BCAR3: variants seen among roughly 807,000 people sequenced by gnomAD.
BCAR3 encodes the protein breast cancer anti-estrogen resistance protein 3.
In BCAR3, 37 loss-of-function variants were observed where a neutral mutation model predicts 80.1. The ratio of observed to expected loss-of-function variants is 0.46; its 90% CI spans 0.36 to 0.61. BCAR3 has a LOEUF of 0.61. Among genes scored for constraint, BCAR3 ranks in the 20% least tolerant of loss-of-function variants. The pLI, the probability that BCAR3 is intolerant of heterozygous loss-of-function variation, is 0.00. For missense variants in BCAR3, 978 were observed against 1,068.2 expected (o/e 0.92, Z 1.18); for synonymous variants, 389 against 418.9 (o/e 0.93, Z 0.87).
At chr1:93,675,936 A>C (rs1260919587) in intron 1 of BCAR3, among the ~76,000 whole-genome samples, 1 of 147,158 alleles carries the variant, frequency 6.8e-6, no homozygotes, top group African/African-American at 2.6e-5. Flanking sequence ...AAAAAAAAAA[A>C]AAAAAAAAAA....
chr1:93,595,061 G>A (rs773705389), intron 3 of BCAR3, among the ~76,000 whole-genome samples: 6 of 152,158 alleles, frequency 3.9e-5, no homozygotes, highest in Non-Finnish European at 8.8e-5. Flanking sequence ...GAGAAGAACA[G>A]GAAAATCCTA....
chr1:93,675,403 C>T (rs914448579), intron 1 of BCAR3, among the ~76,000 whole-genome samples: 1 of 152,334 alleles, frequency 6.6e-6, no homozygotes, highest in Middle Eastern at 3.4e-3. Context: ...CAGACCAGTC[C>T]TCAGTTGTGC....
chr1:93,573,801 G>A (rs904126046), intron 8 of BCAR3, among the ~76,000 whole-genome samples: 9 of 141,130 alleles, frequency 6.4e-5, no homozygotes, highest in South Asian at 2.1e-4. Flanking sequence ...GCTAATTTTC[G>A]TGTTTTTTTG....
At chr1:93,783,258 A>AG (rs1291571543) in intron 2 of BCAR3, among the ~76,000 whole-genome samples, 2 of 152,214 alleles carry the variant, frequency 1.3e-5, no homozygotes, top group Admixed American at 1.3e-4. Context: ...TAATCGTTAT[A>AG]GGGGGCTTTC....
intron 2 of BCAR3, among the ~76,000 whole-genome samples, chr1:93,812,477 GC>G (rs1273358680): frequency 6.6e-6 from 1 of 152,156 alleles, no homozygotes; most frequent in Non-Finnish European, 1.5e-5. Flanking sequence ...TGGCACTCAG[GC>G]CCTTCAACTG....
chr1:93,605,265 A>C (rs1205107715), intron 3 of BCAR3: 1 of 152,224 alleles, frequency 6.6e-6, no homozygotes, highest in African/African-American at 2.4e-5. Context: ...GCACTTAATC[A>C]TTATTGGACT....
chr1:93,637,261 C>G (rs868488119), intron 3 of BCAR3, among the ~76,000 whole-genome samples: 2 of 152,074 alleles, frequency 1.3e-5, no homozygotes, highest in East Asian at 3.9e-4. Flanking sequence ...CCTCCGCCCC[C>G]CAGGTTCAAG....
At chr1:93,590,394 GATA>G (rs1454893242) in intron 4 of BCAR3, 1 of 152,104 alleles carries the variant, frequency 6.6e-6, no homozygotes, top group African/African-American at 2.4e-5. Context: ...AAACACAAAT[GATA>G]ATATTACCTA....
At chr1:93,755,800 C>T (rs1005807655) in intron 2 of BCAR3, among the ~76,000 whole-genome samples, 5 of 152,136 alleles carry the variant, frequency 3.3e-5, no homozygotes, top group Non-Finnish European at 5.9e-5. Flanking sequence ...TGCGTGCATG[C>T]AAAAGGGAGG....
chr1:93,624,744 C>G (rs1675405959), intron 3 of BCAR3, among the ~76,000 whole-genome samples: 1 of 152,232 alleles, frequency 6.6e-6, no homozygotes, highest in Non-Finnish European at 1.5e-5. Context: ...AGACGTGGCT[C>G]TTGTTCATGG....
At chr1:93,756,019 C>T (rs1376525091) in intron 2 of BCAR3, among the ~76,000 whole-genome samples, 1 of 152,138 alleles carries the variant, frequency 6.6e-6, no homozygotes, top group Non-Finnish European at 1.5e-5. Flanking sequence ...GGGGAGAATA[C>T]GTCCCCAGTT....
rs901132745 is a variant in BCAR3 at position 93,598,881 on chromosome 1, T to C, written c.358-6488A>G. ...AGGGATAGGAAGAGTATTTGGGACA[T>C]TTGAGCTAAGGGACATTTCCTTTTG... is the stretch of plus-strand genomic sequence containing the variant. On this transcript the variant is annotated intron_variant, in intron 3 of 11. Transcript: ENST00000260502. The C allele has an allele frequency of 3.3e-5, 5 of 152,214 alleles. 1 individual carries two copies. Among genetic ancestry groups the C allele is most frequent in the South Asian group, 4.1e-4 (2 of 4,828 alleles). The allele number at this position is 152,214 out of a possible 1,614,324, so 9.4% of individuals were successfully genotyped here.
At chr1:93,685,899 T>G (rs1476256405), upstream of BCAR3, among the ~76,000 whole-genome samples, 1 of 152,226 alleles carries the variant, frequency 6.6e-6, no homozygotes, top group Non-Finnish European at 1.5e-5. Context: ...TATATTTTCA[T>G]GTTTAGTAGA....
Position 93,584,112 on chromosome 1 carries a change from T to C in BCAR3, c.939A>G (p.Glu313=). ...LPRGNLLRNK[E]KSGSQPACLD... ...GGCAGGCGGGCTGGCTACCACTCTT[T>C]TCTTTGTTTCTGAAGTAAAAGACAC... The change falls in exon 6 of 12, where the codon GAA becomes GAG. Residue 313 remains glutamate (E), a synonymous_variant. Coordinates refer to ENST00000260502, the MANE Select transcript of BCAR3 (RefSeq NM_003567.4). 1 of 1,614,028 alleles carries C rather than the reference T, an allele frequency of 6.2e-7. No individual in the cohort carries two copies. Among genetic ancestry groups the C allele is most frequent in the Non-Finnish European group, 8.5e-7 (1 of 1,179,972 alleles).
At chr1:93,580,568 A>C (rs545087691) in intron 7 of BCAR3, among the ~76,000 whole-genome samples, 1 of 151,746 alleles carries the variant, frequency 6.6e-6, no homozygotes, top group African/African-American at 2.4e-5. Context: ...TTTCCTTGCC[A>C]TTATTCCCTA....
At chr1:93,839,925 G>C (rs2100847686) in intron 2 of BCAR3, among the ~76,000 whole-genome samples, 1 of 152,288 alleles carries the variant, frequency 6.6e-6, no homozygotes, top group East Asian at 1.9e-4. Flanking sequence ...AGCAGGCCTA[G>C]GGTGGGGCCG....
intron 3 of BCAR3, among the ~76,000 whole-genome samples, chr1:93,625,441 C>T (rs1675428111): frequency 6.6e-6 from 1 of 152,186 alleles, no homozygotes; most frequent in Non-Finnish European, 1.5e-5. Context: ...AGCTGGACCA[C>T]ACAGACCCCT....
At chr1:93,617,853 G>A (rs1675177925) in intron 3 of BCAR3, among the ~76,000 whole-genome samples, 1 of 152,214 alleles carries the variant, frequency 6.6e-6, no homozygotes, top group Non-Finnish European at 1.5e-5. Context: ...CGGCTCTGTG[G>A]AGAGCAGTGT....
Position 93,582,239 on chromosome 1 carries a change from G to T in BCAR3, c.1686+62C>A, listed in dbSNP as rs968984981. ...ACCTACAAAAGCCAGAGGAGCACCG[G>T]GACCCCTAGCTCTTACCAAACCTTG... is the stretch of plus-strand genomic sequence containing the variant. On this transcript the variant is annotated intron_variant, in intron 7 of 11. Transcript: ENST00000260502. 2.6e-6 allele frequency: 4 copies of T among 1,549,446 alleles called. No individual in the cohort carries two copies. In the African/African-American group the frequency reaches 4.1e-5, roughly 16 times the overall value.
Sources: allele counts gnomAD v4.1 joint callset (sites outside exome capture counted in the v4.1 genomes callset), GRCh38; gene constraint gnomAD v4.1.1; transcripts MANE v1.5; gene names NCBI Gene and HGNC (gene_info 2026-07-23, HGNC 2026-07-21).